TANGO6: variants seen among roughly 807,000 people sequenced by gnomAD.
The protein encoded by TANGO6 is transport and Golgi organization protein 6 homolog.
A neutral mutation model predicts 114.2 loss-of-function variants in TANGO6; 90 were observed. The ratio of observed to expected loss-of-function variants is 0.79; its 90% CI spans 0.66 to 0.94. The LOEUF is 0.94. Ranked by LOEUF, TANGO6 falls within the 40% of genes least tolerant of loss-of-function variation. The pLI, the probability that TANGO6 is intolerant of heterozygous loss-of-function variation, is 0.00. For synonymous variants in TANGO6, 477 were observed against 509.8 expected, an observed-to-expected ratio of 0.94 and a Z score of 0.87; for missense variants, 1,274 against 1,315.3, an observed-to-expected ratio of 0.97 and a Z score of 0.49.
Position 68,927,898 on chromosome 16 carries a change from G to A in TANGO6, c.2458G>A (p.Val820Ile). ...QSNAPIIPQGVNEPSTTTSQK... is the reference protein window; with the variant it reads ...QSNAPIIPQGINEPSTTTSQK... ...AAATGCTCCAATCATTCCTCAAGGA[G>A]TCAATGAGCCCAGCACTACTACAAG... Residue 820 changes from valine to isoleucine, a missense_variant, in exon 13 of 18, where the codon GTC (valine) becomes ATC (isoleucine). Coordinates refer to ENST00000261778, the MANE Select transcript of TANGO6 (RefSeq NM_024562.2). 2 of 1,613,926 alleles carry A rather than the reference G, an allele frequency of 1.2e-6. No homozygotes were observed. Among genetic ancestry groups the A allele is most frequent in the Non-Finnish European group, 1.7e-6 (2 of 1,179,844 alleles).
intron 14 of TANGO6, among the ~76,000 whole-genome samples, chr16:68,949,272 G>C (rs1431785253): frequency 6.6e-6 from 1 of 152,228 alleles, no homozygotes; most frequent in Non-Finnish European, 1.5e-5. Flanking sequence ...GTAGCTTTCT[G>C]TATAGAACTT....
intron 16 of TANGO6, chr16:69,025,761 T>C (rs537289790): frequency 6.4e-6 from 1 of 155,882 alleles, no homozygotes; most frequent in South Asian, 2.0e-4. Context: ...CATCAGCCAT[T>C]GCACCTGGCC....
At chr16:69,027,760 T>G (rs1161227640) in intron 16 of TANGO6, among the ~76,000 whole-genome samples, 3 of 151,772 alleles carry the variant, frequency 2.0e-5, no homozygotes. Flanking sequence ...AAGTTGCTGG[T>G]CCATGATCTG....
intron 14 of TANGO6, among the ~76,000 whole-genome samples, chr16:68,949,413 G>C (rs1192601435): frequency 1.3e-5 from 2 of 152,070 alleles, no homozygotes; most frequent in Non-Finnish European, 2.9e-5. Flanking sequence ...TAGAGGTCAG[G>C]AGTTTCAGAC....
chr16:68,920,348 C>A (rs1181573990), intron 12 of TANGO6, among the ~76,000 whole-genome samples: 1 of 152,158 alleles, frequency 6.6e-6, no homozygotes, highest in Non-Finnish European at 1.5e-5. Flanking sequence ...AGGAAAACAT[C>A]ACGTACAAAG....
In TANGO6 at chr16:69,052,448, T is replaced by C. The variant is rs149398122; in HGVS notation, c.3108+12027T>C. Among the ~76,000 whole-genome samples the C allele has an allele frequency of 2.2e-3, 340 of 151,980 alleles. 4 individuals are homozygous for C. The highest frequency in any genetic ancestry group is 8.1e-3 in the African/African-American group (334 of 41,452). On this transcript the variant is annotated intron_variant, in intron 17 of 17. Transcript: ENST00000261778. ...CACACCCAGCTAATTTTTGTATTTT[T>C]TGTGGAGACTGAGTTTTGCCATGTT...
intron 12 of TANGO6, among the ~76,000 whole-genome samples, chr16:68,926,658 G>A (rs766944103): frequency 1.3e-5 from 2 of 151,764 alleles, no homozygotes; most frequent in Non-Finnish European, 2.9e-5. Context: ...CTTCCGAGTA[G>A]CTGGGACTAC....
At chr16:68,861,951 T>C (rs1397347129) in intron 2 of TANGO6, among the ~76,000 whole-genome samples, 2 of 152,104 alleles carry the variant, frequency 1.3e-5, no homozygotes, top group African/African-American at 2.4e-5. Context: ...AGATAAACAA[T>C]GTTACCTCTA....
At chr16:69,055,020 A>ATT (rs199952725) in intron 17 of TANGO6, among the ~76,000 whole-genome samples, 1 of 145,640 alleles carries the variant, frequency 6.9e-6, no homozygotes, top group Admixed American at 6.9e-5. Flanking sequence ...AAAGATGCCA[A>ATT]TTTTTTTTTT....
intron 17 of TANGO6, among the ~76,000 whole-genome samples, chr16:69,048,449 G>A (rs558498624): frequency 9.6e-4 from 146 of 151,802 alleles, no homozygotes; most frequent in Non-Finnish European, 1.6e-3. Flanking sequence ...TGTTGCCCAG[G>A]CTAGAGTGCA....
At chr16:68,963,724 A>T (rs1479898401) in intron 14 of TANGO6, among the ~76,000 whole-genome samples, 1 of 152,216 alleles carries the variant, frequency 6.6e-6, no homozygotes, top group Non-Finnish European at 1.5e-5. Context: ...TGTGGATGTT[A>T]TTCAGTGCTG....
At chr16:68,979,778 A>C (rs74672376) in intron 15 of TANGO6, among the ~76,000 whole-genome samples, 3 of 151,618 alleles carry the variant, frequency 2.0e-5, no homozygotes, top group Non-Finnish European at 2.9e-5. Context: ...GAGGGTGTGC[A>C]TGTGTGTGTG....
intron 17 of TANGO6, among the ~76,000 whole-genome samples, chr16:69,045,607 G>A (rs1959844207): frequency 6.7e-6 from 1 of 150,090 alleles, no homozygotes; most frequent in Admixed American, 6.7e-5. Context: ...GCTGGGTGTG[G>A]TGGTAGGCGC....
intron 17 of TANGO6, among the ~76,000 whole-genome samples, chr16:69,069,288 A>G (rs72789223): frequency 0.088 from 13,466 of 152,192 alleles, 672 homozygotes; most frequent in South Asian, 0.18. Context: ...AGTCTCCTGC[A>G]CACAATGTGG....
chr16:68,950,332 G>A (rs1206778479), intron 14 of TANGO6, among the ~76,000 whole-genome samples: 10 of 152,324 alleles, frequency 6.6e-5, no homozygotes, highest in African/African-American at 1.7e-4. Flanking sequence ...TTGGGAGGCC[G>A]AGGCAAGCAG....
intron 1 of TANGO6, among the ~76,000 whole-genome samples, chr16:68,855,038 T>C (rs1961962808): frequency 6.6e-6 from 1 of 151,292 alleles, no homozygotes; most frequent in Admixed American, 6.6e-5. Context: ...AGAGTCTTGC[T>C]CTGTCACCCA....
intron 14 of TANGO6, among the ~76,000 whole-genome samples, chr16:68,933,642 C>G (rs919359882): frequency 6.6e-6 from 1 of 152,180 alleles, no homozygotes. Flanking sequence ...TGGTGAGAAC[C>G]ATGAAGTGTC....
intron 15 of TANGO6, among the ~76,000 whole-genome samples, chr16:68,989,373 T>A (rs1963927148): frequency 6.6e-6 from 1 of 152,136 alleles, no homozygotes; most frequent in Non-Finnish European, 1.5e-5. Context: ...GTACATGGAC[T>A]CTTTCCTCTG....
intron 15 of TANGO6, among the ~76,000 whole-genome samples, chr16:69,012,581 A>AAAAAAAAAAAAAGG (rs1567558460): frequency 2.5e-4 from 28 of 111,946 alleles, no homozygotes; most frequent in African/African-American, 1.1e-3. Flanking sequence ...AAAAAAAAGG[A>AAAAAAAAAAAAAGG]AAAAAAAAAA....
Sources: allele counts gnomAD v4.1 joint callset (sites outside exome capture counted in the v4.1 genomes callset), GRCh38; gene constraint gnomAD v4.1.1; transcripts MANE v1.5; gene names NCBI Gene and HGNC (gene_info 2026-07-23, HGNC 2026-07-21).